LONP1: variants seen among roughly 807,000 people sequenced by gnomAD.
LONP1 encodes the protein lon peptidase 1, mitochondrial, also known as lon protease homolog, mitochondrial.
In LONP1, 31 loss-of-function variants were observed where a neutral mutation model predicts 98.5. That is an observed-to-expected ratio of 0.31 (90% confidence interval 0.24 to 0.42). LONP1 has a LOEUF of 0.42. LONP1 is among the 20% of genes least tolerant of loss of function. LONP1 has a pLI of 1.00. For missense variants in LONP1, 1,336 were observed against 1,350.6 expected (o/e 0.99, Z 0.17); for synonymous variants, 781 against 594.7 (o/e 1.31, Z -4.56).
At chr19:5,692,308 A>C (rs1472206341) in intron 17 of LONP1, 100 bp from the exon 18 acceptor site, 4 of 1,175,862 alleles carry the variant, frequency 3.4e-6, no homozygotes, top group East Asian at 4.8e-5. Flanking sequence ...CCGGCGATAC[A>C]CAGTGATGCC....
At chr19:5,696,862 C>T (rs1353358564) in intron 10 of LONP1, 105 bp from the exon 11 acceptor site, 3 of 710,502 alleles carry the variant, frequency 4.2e-6, no homozygotes, top group Non-Finnish European at 7.1e-6. Flanking sequence ...TGGAGCCCCA[C>T]AAGATGTGGC....
At chr19:5,711,649 A>G in intron 4 of LONP1, 122 bp downstream of exon 4, 1 of 759,032 alleles carries the variant, frequency 1.3e-6, no homozygotes, top group South Asian at 1.8e-5. Context: ...AGTTCCAGAC[A>G]GGCCAGACCC....
intron 3 of LONP1, chr19:5,712,335 C>G (rs987918442): frequency 3.4e-6 from 1 of 297,252 alleles, no homozygotes; most frequent in African/African-American, 2.2e-5. Flanking sequence ...CCTGGCCGGG[C>G]ACAGGCTGGT....
At chr19:5,704,728 C>T (rs961290491) in intron 8 of LONP1, among the ~76,000 whole-genome samples, 1 of 152,232 alleles carries the variant, frequency 6.6e-6, no homozygotes, top group Non-Finnish European at 1.5e-5. Context: ...TGACTCATGG[C>T]ATGCTCAGGA....
chr19:5,695,937 G>A (rs1409463701), intron 13 of LONP1, 117 bp downstream of exon 13: 39 of 861,632 alleles, frequency 4.5e-5, no homozygotes, highest in East Asian at 8.0e-5. Context: ...CTCCTCGGCC[G>A]CAGGTCCCAC....
At chr19:5,704,385 G>A (rs1413574824) in intron 8 of LONP1, among the ~76,000 whole-genome samples, 1 of 152,198 alleles carries the variant, frequency 6.6e-6, no homozygotes, top group African/African-American at 2.4e-5. Flanking sequence ...CGTGCTGGGA[G>A]GGGAAGCCAC....
chr19:5,714,387 C>T (rs1384970663), intron 1 of LONP1, 116 bp from the exon 2 acceptor site: 6 of 695,634 alleles, frequency 8.6e-6, no homozygotes, highest in Middle Eastern at 2.8e-4. Flanking sequence ...ACTGCAACCT[C>T]CACCCCCACT....
At chr19:5,698,721 G>T (rs2054988112) in intron 10 of LONP1, among the ~76,000 whole-genome samples, 1 of 152,232 alleles carries the variant, frequency 6.6e-6, no homozygotes, top group African/African-American at 2.4e-5. Context: ...CGGCCCTGCA[G>T]CTCTGGCCCG....
chr19:5,695,222 ACTGGTTACGTGGCTG>A (rs2054905079), intron 13 of LONP1, among the ~76,000 whole-genome samples: 2 of 152,094 alleles, frequency 1.3e-5, no homozygotes, highest in African/African-American at 4.8e-5. Context: ...AGGGTGGCTG[ACTGGTTACGTGGCTG>A]CTGCCCTCAG....
intron 13 of LONP1, 26 bp from the exon 14 acceptor site, chr19:5,694,927 G>A: frequency 1.9e-6 from 3 of 1,582,496 alleles, no homozygotes; most frequent in Non-Finnish European, 8.7e-7. Flanking sequence ...TCAGGGTTGG[G>A]TCTGGAGGGA....
At chr19:5,700,948 A>G in intron 8 of LONP1, 21 bp from the exon 9 acceptor site, 1 of 1,613,852 alleles carries the variant, frequency 6.2e-7, no homozygotes, top group Non-Finnish European at 8.5e-7. Flanking sequence ...ACAGATGGAG[A>G]GATGCTGAGT....
intron 9 of LONP1, among the ~76,000 whole-genome samples, chr19:5,699,971 GCT>G (rs1409834823): frequency 1.3e-5 from 2 of 151,996 alleles, no homozygotes; most frequent in South Asian, 2.1e-4. Flanking sequence ...ACAAGGTCTC[GCT>G]CTGTCACCCA....
At chr19:5,704,203 C>T (rs1472577261) in intron 8 of LONP1, among the ~76,000 whole-genome samples, 5 of 152,198 alleles carry the variant, frequency 3.3e-5, no homozygotes, top group South Asian at 2.1e-4. Flanking sequence ...CCGAGGGATG[C>T]GGGCGCCTCC....
chr19:5,707,681 G>A lies in LONP1; in HGVS notation c.1062+16C>T. 1 of 1,601,838 alleles carries A rather than the reference G, an allele frequency of 6.2e-7. No homozygotes were observed. The highest frequency in any genetic ancestry group is 8.5e-7 in the Non-Finnish European group (1 of 1,171,432). ...GCAGCCAGGCGTGGGGGGCTGTGGA[G>A]GTGACGAGCACTCACATTGGTCTCT... is the stretch of plus-strand genomic sequence containing the variant. On this transcript the variant is annotated intron_variant, in intron 6 of 17. Transcript: ENST00000360614.
At chr19:5,717,368 G>A (rs1249329469) in intron 1 of LONP1, 1 of 152,170 alleles carries the variant, frequency 6.6e-6, no homozygotes, top group African/African-American at 2.4e-5. Context: ...TCTGCCTCCT[G>A]GCCTTGGCAG....
chr19:5,692,539 C>T (rs907309418), intron 17 of LONP1, among the ~76,000 whole-genome samples: 1 of 152,186 alleles, frequency 6.6e-6, no homozygotes, highest in African/African-American at 2.4e-5. Context: ...CAGGCAGTGT[C>T]TGGGGCCTGA....
At chr19:5,701,374 G>C (rs1161080637) in intron 8 of LONP1, among the ~76,000 whole-genome samples, 1 of 152,064 alleles carries the variant, frequency 6.6e-6, no homozygotes, top group African/African-American at 2.4e-5. Context: ...GTCTCCCTCT[G>C]ATGCCGAGCC....
At chr19:5,720,393 A>G (rs180683901), upstream of LONP1, 2,184 of 589,630 alleles carry the variant, frequency 3.7e-3, 8 homozygotes, top group Non-Finnish European at 5.3e-3. Flanking sequence ...CCCGTACAAA[A>G]CACTGGTAGT....
chr19:5,697,221 C>A (rs376164012), intron 10 of LONP1, among the ~76,000 whole-genome samples: 3 of 152,070 alleles, frequency 2.0e-5, no homozygotes, highest in South Asian at 4.1e-4. Flanking sequence ...CCAGGCCCCA[C>A]GAGAGACAGT....
Sources: gnomAD v4.1 joint callset for allele counts (sites outside exome capture counted in the v4.1 genomes callset) on GRCh38, gnomAD v4.1.1 for gene constraint, MANE v1.5 for transcripts, NCBI Gene and HGNC (gene_info 2026-07-23, HGNC 2026-07-21) for gene names.